Variants in PARN observed in about 807,000 individuals in gnomAD.
The protein encoded by PARN is poly(A)-specific ribonuclease PARN.
In PARN, 71 loss-of-function variants were observed where a neutral mutation model predicts 102.8. That is an observed-to-expected ratio of 0.69 (90% confidence interval 0.57 to 0.84). The LOEUF (loss-of-function observed/expected upper bound fraction) is 0.84. Ranked by LOEUF, PARN falls within the 40% of genes least tolerant of loss-of-function variation. The pLI, the probability that PARN is intolerant of heterozygous loss-of-function variation, is 0.00. For synonymous variants in PARN, 261 were observed against 252.9 expected (o/e 1.03, Z -0.30); for missense variants, 782 against 760.9 (o/e 1.03, Z -0.33).
chr16:14,488,594 G>A (rs1003060755), intron 21 of PARN, among the ~76,000 whole-genome samples: 2 of 152,192 alleles, frequency 1.3e-5, no homozygotes, highest in Non-Finnish European at 2.9e-5. Context: ...ACAGAAGGGA[G>A]GTGTGTGAGG....
chr16:14,501,442 A>AAAAAAAAAAAAT (rs2151625331), intron 21 of PARN: 1 of 117,398 alleles, frequency 8.5e-6, no homozygotes, highest in African/African-American at 3.8e-5. Context: ...GTCCAAAAAA[A>AAAAAAAAAAAAT]AAAAAAAAAA....
intron 20 of PARN, 64 bp from the exon 21 acceptor site, chr16:14,552,159 C>A (rs755707833): frequency 3.2e-6 from 3 of 952,160 alleles, no homozygotes; most frequent in South Asian, 1.4e-5. Flanking sequence ...AGATTTAATG[C>A]GCGTATCTTA....
intron 23 of PARN, among the ~76,000 whole-genome samples, chr16:14,440,135 T>C (rs778169709): frequency 6.6e-6 from 1 of 151,874 alleles, no homozygotes; most frequent in Non-Finnish European, 1.5e-5. Context: ...CCAGAATCTA[T>C]AAAGAACTCT....
At chr16:14,457,132 G>C (rs894268525) in intron 22 of PARN, among the ~76,000 whole-genome samples, 22 of 152,250 alleles carry the variant, frequency 1.4e-4, no homozygotes, top group African/African-American at 5.1e-4. Context: ...ACAACAAATT[G>C]CTTATTTTAT....
intron 18 of PARN, among the ~76,000 whole-genome samples, chr16:14,573,780 T>C (rs1968953257): frequency 6.6e-6 from 1 of 152,216 alleles, no homozygotes; most frequent in Non-Finnish European, 1.5e-5. Flanking sequence ...ACAAGCTCTC[T>C]TGTCTGCTGC....
At chr16:14,558,471 C>T (rs919758759) in intron 18 of PARN, 3 of 151,776 alleles carry the variant, frequency 2.0e-5, no homozygotes, top group African/African-American at 7.3e-5. Context: ...GGACTCCAGC[C>T]TGGCAACAGA....
chr16:14,516,372 T>A (rs971815255), intron 21 of PARN, among the ~76,000 whole-genome samples: 5 of 152,044 alleles, frequency 3.3e-5, no homozygotes, highest in Non-Finnish European at 4.4e-5. Context: ...GGCTCAATAT[T>A]GCATGCTGAA....
chr16:14,610,923 A>G (rs1971485759), intron 6 of PARN, 114 bp from the exon 7 acceptor site: 1 of 674,600 alleles, frequency 1.5e-6, no homozygotes, highest in African/African-American at 1.8e-5. Flanking sequence ...ATTTAACTAC[A>G]TCTCAAAAAA....
chr16:14,629,760 G>C, intron 1 of PARN, 86 bp from the exon 2 acceptor site: 1 of 1,017,254 alleles, frequency 9.8e-7, no homozygotes, highest in Non-Finnish European at 1.6e-6. Context: ...GAGCTCCCGA[G>C]GCTGAGAGCC....
At chr16:14,573,816 T>C (rs532770795) in intron 18 of PARN, among the ~76,000 whole-genome samples, 183 of 152,376 alleles carry the variant, frequency 1.2e-3, no homozygotes, top group African/African-American at 4.0e-3. Context: ...TTTTACCTTC[T>C]ATCATGATTG....
intron 21 of PARN, among the ~76,000 whole-genome samples, chr16:14,512,227 C>T (rs761885828): frequency 6.6e-6 from 1 of 152,138 alleles, no homozygotes; most frequent in African/African-American, 2.4e-5. Flanking sequence ...CCTGGCCGGG[C>T]GTGGTAGTTC....
At chr16:14,504,538 G>A (rs910735552) in intron 21 of PARN, among the ~76,000 whole-genome samples, 4 of 152,124 alleles carry the variant, frequency 2.6e-5, no homozygotes, top group African/African-American at 9.7e-5. Flanking sequence ...CAGCCTGGGT[G>A]ACAGAGCAAG....
intron 21 of PARN, among the ~76,000 whole-genome samples, chr16:14,504,342 G>C (rs1009250771): frequency 6.6e-6 from 1 of 152,086 alleles, no homozygotes; most frequent in Non-Finnish European, 1.5e-5. Context: ...GGTGAATCAC[G>C]AGGTCAGGAG....
Position 14,628,345 on chromosome 16 carries a change from C to A in PARN, c.98-94G>T, listed in dbSNP as rs75089662. ...TCAGTGCCTCTATAATGTCGTATCACGAATTAAGGTTACTTGGAAGCACTC... is the reference window on the plus strand; with the variant it reads ...TCAGTGCCTCTATAATGTCGTATCAAGAATTAAGGTTACTTGGAAGCACTC... On this transcript the variant is annotated intron_variant, in intron 2 of 23. Coordinates refer to ENST00000437198, the MANE Select transcript of PARN (RefSeq NM_002582.4). The A allele has an allele frequency of 4.0e-5, 28 of 702,638 alleles. No homozygotes were observed. In the East Asian group the frequency reaches 7.3e-4, roughly 18 times the overall value. 43.5% of individuals were successfully genotyped at this position (702,638 alleles called of 1,614,324 possible).
At chr16:14,582,039 C>A in intron 17 of PARN, 142 bp downstream of exon 17, 1 of 666,312 alleles carries the variant, frequency 1.5e-6, no homozygotes, top group Non-Finnish European at 2.7e-6. Context: ...TTGGACTTTC[C>A]AGCCTCCTGA....
chr16:14,630,114 G>T lies in PARN; in HGVS notation c.12C>A (p.Ile4=). 6.4e-7 allele frequency: 1 copy of T among 1,562,350 alleles called. No homozygotes were observed. The highest frequency in any genetic ancestry group is 8.7e-7 in the Non-Finnish European group (1 of 1,152,474). Residue 4 remains isoleucine (I), a synonymous_variant, in exon 1 of 24, where the codon ATC becomes ATA. Transcript: ENST00000437198. The stretch of plus-strand genomic sequence containing the variant: ...TGTACGGCGGACACGCACTGCTCCT[G>T]ATTATCTCCATTCTGCAGAGTGGCC... The part of the protein sequence containing the change: MEI[I]RSNFKSNLHK...
chr16:14,627,288 A>G lies in PARN; in HGVS notation c.226T>C (p.Tyr76His). Residue 76 changes from tyrosine (Y) to histidine (H), a missense_variant, in exon 4 of 24, where the codon TAT (tyrosine) becomes CAT (histidine). Transcript: ENST00000437198. ...ACCTACTTTGAATCTGTGTAGTCAT[A>G]CTTAAAAGTGCAAAGGCCAAACTGA... is the stretch of plus-strand genomic sequence containing the variant. ...LFQFGLCTFK[Y>H]DYTDSKYITK... 5 of 1,595,000 alleles carry G rather than the reference A, an allele frequency of 3.1e-6. No homozygotes were observed. Among genetic ancestry groups the G allele is most frequent in the Non-Finnish European group, 4.3e-6 (5 of 1,170,040 alleles).
chr16:14,544,488 T>C (rs1427915071), intron 21 of PARN, among the ~76,000 whole-genome samples: 1 of 152,036 alleles, frequency 6.6e-6, no homozygotes, highest in African/African-American at 2.4e-5. Context: ...GGCAGGAGAA[T>C]CACTTAAAGC....
intron 21 of PARN, among the ~76,000 whole-genome samples, chr16:14,530,756 GC>G (rs1229674178): frequency 6.6e-6 from 1 of 151,924 alleles, no homozygotes; most frequent in Non-Finnish European, 1.5e-5. Context: ...CCCAGAATTG[GC>G]CCCTTCCCAA....
Sources: gnomAD v4.1 joint callset for allele counts (sites outside exome capture counted in the v4.1 genomes callset) on GRCh38, gnomAD v4.1.1 for gene constraint, MANE v1.5 for transcripts, NCBI Gene and HGNC (gene_info 2026-07-23, HGNC 2026-07-21) for gene names.